The following NF1 variants were observed in gnomAD, a reference collection of about 807,000 sequenced individuals.
NF1 encodes the protein neurofibromin.
Under a neutral mutation model 325.7 loss-of-function variants are expected in NF1, and 122 were observed. The ratio of observed to expected loss-of-function variants is 0.37; its 90% CI spans 0.32 to 0.44. The LOEUF is 0.44. NF1 is among the 20% of genes least tolerant of loss of function. NF1 has a pLI of 1.00. For missense variants in NF1, 2,140 were observed against 3,415.4 expected, an observed-to-expected ratio of 0.63 and a Z score of 9.31; for synonymous variants, 1,091 against 1,186.0, an observed-to-expected ratio of 0.92 and a Z score of 1.65.
chr17:31,332,387 C>T (rs1384289797), intron 39 of NF1, among the ~76,000 whole-genome samples: 1 of 151,916 alleles, frequency 6.6e-6, no homozygotes, highest in African/African-American at 2.4e-5. Flanking sequence ...TTGCTTGAAC[C>T]CAGGAGGCAG....
intron 39 of NF1, among the ~76,000 whole-genome samples, chr17:31,332,523 G>A (rs2069528581): frequency 6.6e-6 from 1 of 151,822 alleles, no homozygotes; most frequent in Non-Finnish European, 1.5e-5. Context: ...TAATCATGAA[G>A]GGTGCTGACC....
intron 31 of NF1, 125 bp from the exon 32 acceptor site, chr17:31,258,219 A>C: frequency 1.0e-6 from 1 of 981,744 alleles, no homozygotes; most frequent in South Asian, 1.4e-5. Context: ...AAAAATAGAA[A>C]TATGTCATTC....
chr17:31,139,653 G>C (rs1278828115), intron 1 of NF1, among the ~76,000 whole-genome samples: 3 of 152,076 alleles, frequency 2.0e-5, no homozygotes, highest in African/African-American at 7.2e-5. Flanking sequence ...TCTTTTCTTT[G>C]AACATTAGTT....
chr17:31,232,969 G>A (rs1298775396), intron 26 of NF1, 33 bp from the exon 27 acceptor site: 6 of 1,613,824 alleles, frequency 3.7e-6, no homozygotes, highest in Non-Finnish European at 5.1e-6. Flanking sequence ...GCAAGGCCAT[G>A]TTAGTAAATT....
chr17:31,320,175 T>A (rs1038036400), intron 36 of NF1, among the ~76,000 whole-genome samples: 3 of 152,158 alleles, frequency 2.0e-5, no homozygotes, highest in African/African-American at 7.2e-5. Context: ...TATACCAGTT[T>A]GTCTTGAGCT....
At chr17:31,357,421 A>G (rs768102235) in intron 54 of NF1, 52 bp downstream of exon 54, 11 of 1,404,290 alleles carry the variant, frequency 7.8e-6, no homozygotes, top group African/African-American at 1.4e-5. Context: ...CTTTAAGTTA[A>G]ATGCTTACCC....
At chr17:31,216,847 C>T (rs1457303364) in intron 13 of NF1, among the ~76,000 whole-genome samples, 1 of 152,124 alleles carries the variant, frequency 6.6e-6, no homozygotes, top group African/African-American at 2.4e-5. Context: ...TGCCTTCATA[C>T]CTCCCTTGCA....
chr17:31,236,347 C>G (rs528639695), intron 29 of NF1, among the ~76,000 whole-genome samples: 1 of 152,176 alleles, frequency 6.6e-6, no homozygotes, highest in African/African-American at 2.4e-5. Flanking sequence ...TGCATGCATA[C>G]TCTTTTTCTA....
intron 35 of NF1, among the ~76,000 whole-genome samples, chr17:31,264,136 C>T (rs1290497613): frequency 5.9e-5 from 9 of 152,264 alleles, no homozygotes; most frequent in East Asian, 5.8e-4. Flanking sequence ...CGGTGACTCA[C>T]GCCTGTAATC....
chr17:31,095,923 A>G (rs1911660402), intron 1 of NF1, among the ~76,000 whole-genome samples: 1 of 151,996 alleles, frequency 6.6e-6, no homozygotes. Context: ...GAAGAAAGCA[A>G]GGAAGGCACA....
At chr17:31,161,038 C>T (rs976500699) in intron 3 of NF1, among the ~76,000 whole-genome samples, 1 of 152,048 alleles carries the variant, frequency 6.6e-6, no homozygotes, top group Non-Finnish European at 1.5e-5. Flanking sequence ...TTGATTCTTA[C>T]TTTTAAATCA....
At chr17:31,225,823 A>C (rs1393093386) in intron 17 of NF1, among the ~76,000 whole-genome samples, 1 of 152,228 alleles carries the variant, frequency 6.6e-6, no homozygotes, top group Non-Finnish European at 1.5e-5. Flanking sequence ...AGGAAGAAAC[A>C]CCTAAGCAGT....
At chr17:31,275,639 C>T (rs1019280477) in intron 36 of NF1, among the ~76,000 whole-genome samples, 1 of 152,164 alleles carries the variant, frequency 6.6e-6, no homozygotes, top group African/African-American at 2.4e-5. Flanking sequence ...ACATATCCCC[C>T]ACAGTTAAGG....
chr17:31,305,711 T>C (rs1012930421), intron 36 of NF1: 35 of 1,210,614 alleles, frequency 2.9e-5, no homozygotes, highest in Non-Finnish European at 4.0e-5. Context: ...TCATTATGAT[T>C]CCTGGCATAA....
chr17:31,173,597 T>TA (rs61130426), intron 5 of NF1, among the ~76,000 whole-genome samples: 33 of 140,238 alleles, frequency 2.4e-4, no homozygotes, highest in South Asian at 4.5e-4. Context: ...AAACTCCATC[T>TA]AAAAAAAAAA....
chr17:31,137,666 C>T (rs1365451372), intron 1 of NF1: 4 of 151,448 alleles, frequency 2.6e-5, no homozygotes, highest in Non-Finnish European at 5.9e-5. Context: ...GTGTTGATTC[C>T]CTTGTTTTGT....
intron 1 of NF1, among the ~76,000 whole-genome samples, chr17:31,142,421 A>G (rs956264980): frequency 6.6e-6 from 1 of 152,206 alleles, no homozygotes; most frequent in Non-Finnish European, 1.5e-5. Context: ...CTCAAATACA[A>G]TGACCTCATA....
intron 36 of NF1, among the ~76,000 whole-genome samples, chr17:31,290,471 C>G (rs1450415508): frequency 2.6e-5 from 4 of 152,082 alleles, no homozygotes; most frequent in South Asian, 2.1e-4. Context: ...AGGCACTGTT[C>G]TAAACACTTT....
At chr17:31,268,624 TAAA>T (rs1296165385) in intron 36 of NF1, among the ~76,000 whole-genome samples, 18 of 118,272 alleles carry the variant, frequency 1.5e-4, no homozygotes, top group African/African-American at 1.5e-4. Context: ...AGACTCTGTC[TAAA>T]AAAAAAAAAA....
Sources: gnomAD v4.1 joint callset for allele counts (sites outside exome capture counted in the v4.1 genomes callset) on GRCh38, gnomAD v4.1.1 for gene constraint, MANE v1.5 for transcripts, NCBI Gene and HGNC (gene_info 2026-07-23, HGNC 2026-07-21) for gene names.